The following SPATA16 variants were observed in gnomAD, a reference collection of about 807,000 sequenced individuals.
SPATA16 encodes spermatogenesis associated 16, also known as spermatogenesis-associated protein 16.
SPATA16 carries 36 observed loss-of-function variants against 63.3 expected under a neutral mutation model. The ratio of observed to expected loss-of-function variants is 0.57; its 90% CI spans 0.44 to 0.75. The LOEUF is 0.75. SPATA16 is among the 30% of genes least tolerant of loss of function. SPATA16 has a pLI of 0.00. For synonymous variants in SPATA16, 203 were observed against 216.7 expected (o/e 0.94, Z 0.56); for missense variants, 646 against 679.3 (o/e 0.95, Z 0.54).
At chr3:172,978,599 TTG>T (rs1278035287) in intron 4 of SPATA16, among the ~76,000 whole-genome samples, 1 of 152,194 alleles carries the variant, frequency 6.6e-6, no homozygotes, top group Non-Finnish European at 1.5e-5. Flanking sequence ...AGGTGACAAT[TTG>T]GTCTGCACTC....
At chr3:172,950,393 A>C (rs1298305932) in intron 6 of SPATA16, among the ~76,000 whole-genome samples, 1 of 152,220 alleles carries the variant, frequency 6.6e-6, no homozygotes, top group Non-Finnish European at 1.5e-5. Flanking sequence ...TACCTTGGGA[A>C]CAATTTTCTG....
chr3:172,901,713 C>T (rs1014300634), intron 10 of SPATA16, among the ~76,000 whole-genome samples: 4 of 152,146 alleles, frequency 2.6e-5, no homozygotes, highest in African/African-American at 4.8e-5. Flanking sequence ...TAACACCTGA[C>T]GGAGAGGCTT....
intron 6 of SPATA16, among the ~76,000 whole-genome samples, chr3:172,925,749 TC>T (rs1357656283): frequency 6.6e-6 from 1 of 152,214 alleles, no homozygotes; most frequent in African/African-American, 2.4e-5. Flanking sequence ...TCATCTTTCC[TC>T]GTCTTCAGAA....
At chr3:173,088,273 C>T (rs777622640) in intron 2 of SPATA16, among the ~76,000 whole-genome samples, 5 of 151,338 alleles carry the variant, frequency 3.3e-5, no homozygotes, top group East Asian at 1.9e-4. Flanking sequence ...TTAGTAGAGA[C>T]GGGGTTTCAC....
At chr3:172,952,147 G>T (rs1416214908) in intron 6 of SPATA16, among the ~76,000 whole-genome samples, 3 of 152,150 alleles carry the variant, frequency 2.0e-5, no homozygotes, top group Non-Finnish European at 4.4e-5. Context: ...GTGTGAGGTA[G>T]AGGAATAGAT....
At chr3:172,909,953 G>A (rs562467568) in intron 10 of SPATA16, among the ~76,000 whole-genome samples, 29 of 152,110 alleles carry the variant, frequency 1.9e-4, no homozygotes, top group Admixed American at 4.6e-4. Flanking sequence ...AATCCTTATT[G>A]TATCTTTTTA....
At chr3:173,101,935 C>T (rs1050026529) in intron 2 of SPATA16, among the ~76,000 whole-genome samples, 2 of 152,158 alleles carry the variant, frequency 1.3e-5, no homozygotes, top group Non-Finnish European at 2.9e-5. Context: ...CCATTGTAAC[C>T]ACCCTGTCAT....
chr3:172,950,367 A>C (rs1405726627), intron 6 of SPATA16, among the ~76,000 whole-genome samples: 1 of 152,204 alleles, frequency 6.6e-6, no homozygotes, highest in Non-Finnish European at 1.5e-5. Flanking sequence ...TTAGCCCCAT[A>C]GATGAGGGAT....
intron 1 of SPATA16, among the ~76,000 whole-genome samples, chr3:173,140,193 A>G (rs890413772): frequency 2.0e-5 from 3 of 152,190 alleles, no homozygotes; most frequent in African/African-American, 7.2e-5. Flanking sequence ...TTTCTGTTAT[A>G]ATACTGCTAG....
chr3:173,040,614 C>CATAACCTGCAAGAG (rs1204929379), intron 3 of SPATA16, among the ~76,000 whole-genome samples: 2 of 152,122 alleles, frequency 1.3e-5, no homozygotes, highest in African/African-American at 4.8e-5. Flanking sequence ...TCAATGCTAC[C>CATAACCTGCAAGAG]ATAACCTGCA....
At chr3:173,023,131 T>TTGTGTGTG (rs1290807119) in intron 3 of SPATA16, among the ~76,000 whole-genome samples, 1 of 135,350 alleles carries the variant, frequency 7.4e-6, no homozygotes, top group Non-Finnish European at 1.6e-5. Context: ...GATTTGATGC[T>TTGTGTGTG]TGTGTATGTG....
chr3:172,892,869 G>A (rs77477103), intron 10 of SPATA16, among the ~76,000 whole-genome samples: 16 of 152,170 alleles, frequency 1.1e-4, no homozygotes, highest in Middle Eastern at 3.4e-3. Context: ...AATTTTCCCC[G>A]TTGAAAAATG....
chr3:172,993,759 C>T (rs1218807738), intron 4 of SPATA16, among the ~76,000 whole-genome samples: 2 of 152,112 alleles, frequency 1.3e-5, no homozygotes, highest in African/African-American at 2.4e-5. Flanking sequence ...TGCTTTTCTT[C>T]TCTTTCCCCC....
At chr3:172,956,611 A>G in intron 6 of SPATA16, 66 bp downstream of exon 6, 1 of 1,546,670 alleles carries the variant, frequency 6.5e-7, no homozygotes, top group Non-Finnish European at 8.8e-7. Flanking sequence ...TAAACCAGAA[A>G]GAACCCTGTA....
In SPATA16 at chr3:173,117,400, G is replaced by A. The variant is rs1374536364; in HGVS notation, c.332C>T (p.Pro111Leu). ...TELDNQLITM[P>L]LPHIPLKNIM... ...GTTCTTTAAGGGGATGTGAGGCAGA[G>A]GCATGGTGATTAACTGATTGTCAAG... The change falls in exon 2 of 11, where the codon CCT becomes CTT. Residue 111 changes from proline (P) to leucine (L), a missense_variant. Transcript: ENST00000351008. 1 of 1,614,150 alleles carries A rather than the reference G, an allele frequency of 6.2e-7. No homozygotes were observed. The highest frequency in any genetic ancestry group is 8.5e-7 in the Non-Finnish European group (1 of 1,180,016).
At chr3:173,129,724 T>C (rs1738320217) in intron 1 of SPATA16, among the ~76,000 whole-genome samples, 1 of 152,176 alleles carries the variant, frequency 6.6e-6, no homozygotes, top group Non-Finnish European at 1.5e-5. Flanking sequence ...GCAATTAATA[T>C]TTACATGAAA....
At chr3:173,099,950 CTG>C (rs1455474149) in intron 2 of SPATA16, among the ~76,000 whole-genome samples, 2 of 152,186 alleles carry the variant, frequency 1.3e-5, no homozygotes, top group Non-Finnish European at 2.9e-5. Flanking sequence ...TGGGCAGCAA[CTG>C]TGTGATTCCC....
At chr3:173,009,513 T>C (rs140763646) in intron 4 of SPATA16, among the ~76,000 whole-genome samples, 1 of 152,312 alleles carries the variant, frequency 6.6e-6, no homozygotes, top group Non-Finnish European at 1.5e-5. Context: ...CTCAAGCCCA[T>C]GTGAAGCCCA....
rs1235990791 is a variant in SPATA16, at chr3:172,994,538, GTA to G, written c.849-17488_849-17487del. Among the ~76,000 whole-genome samples, 6 of 152,126 alleles carry G rather than the reference GTA, an allele frequency of 3.9e-5. No individual in the cohort carries two copies. In the East Asian group the frequency reaches 1.2e-3, roughly 29 times the overall value. ...TTTCAGTACTGAAATCTGTGTGTGT[GTA>G]TGTGTGTGTGTGTGCACACGCACGT... On this transcript the variant is annotated intron_variant, in intron 4 of 10. Coordinates refer to ENST00000351008, the MANE Select transcript of SPATA16 (RefSeq NM_031955.6).
Sources: allele counts gnomAD v4.1 joint callset (sites outside exome capture counted in the v4.1 genomes callset), GRCh38; gene constraint gnomAD v4.1.1; transcripts MANE v1.5; gene names NCBI Gene and HGNC (gene_info 2026-07-23, HGNC 2026-07-21).